The following BTBD8 variants were observed in gnomAD, a reference collection of about 807,000 sequenced individuals.
The protein encoded by BTBD8 is BTB domain containing 8, also known as BTB/POZ domain-containing protein 8.
BTBD8 carries 110 observed loss-of-function variants against 162.9 expected under a neutral mutation model. The observed-to-expected ratio is 0.68, with a 90% CI of 0.58 to 0.79. BTBD8 has a LOEUF of 0.79. BTBD8 is among the 30% of genes least tolerant of loss of function. The pLI is 0.00. For missense variants in BTBD8, 1,905 were observed against 2,085.4 expected (o/e 0.91, Z 1.68); for synonymous variants, 667 against 716.1 (o/e 0.93, Z 1.10).
intron 4 of BTBD8, chr1:92,115,289 T>C: frequency 2.2e-6 from 1 of 459,978 alleles, no homozygotes; most frequent in Non-Finnish European, 4.2e-6. Flanking sequence ...GTGATCCTGA[T>C]TCCTCCCATG....
At chr1:92,139,462 A>G (rs1303156497) in intron 6 of BTBD8, 32 bp downstream of exon 6, 1 of 1,587,964 alleles carries the variant, frequency 6.3e-7, no homozygotes, top group East Asian at 2.3e-5. Context: ...TTTAAAATAT[A>G]AAAGAGTTAG....
chr1:92,103,394 C>T (rs1026408414), intron 3 of BTBD8, among the ~76,000 whole-genome samples: 1 of 152,092 alleles, frequency 6.6e-6, no homozygotes, highest in African/African-American at 2.4e-5. Flanking sequence ...CATTCATATG[C>T]ATTAAGGATG....
chr1:92,126,312 C>CT (rs1649357718), intron 4 of BTBD8: 1 of 592,992 alleles, frequency 1.7e-6, no homozygotes, highest in Admixed American at 1.9e-5. Flanking sequence ...ATTTGCATTC[C>CT]TGATGAATCA....
chr1:92,174,534 A>G (rs1650647730), intron 13 of BTBD8, among the ~76,000 whole-genome samples: 2 of 152,218 alleles, frequency 1.3e-5, no homozygotes. Context: ...AAATTCAAGG[A>G]TAGAATAAAT....
At chr1:92,133,332 A>C (rs1407823003) in intron 5 of BTBD8, among the ~76,000 whole-genome samples, 3 of 152,202 alleles carry the variant, frequency 2.0e-5, no homozygotes, top group African/African-American at 7.2e-5. Flanking sequence ...TAAGGAAAGA[A>C]ACTGGCATAG....
rs1399053364 is a variant in BTBD8, at chr1:92,118,799, C to CT, written c.662+10801dup. 5.3e-3 allele frequency among the ~76,000 whole-genome samples: 375 copies of CT among 70,332 alleles called. 3 individuals carry two copies. The highest frequency in any genetic ancestry group is 0.015 in the South Asian group (31 of 2,082). The allele number at this position is 70,332 out of a possible 152,430, so 46.1% of individuals were successfully genotyped here. ...TTAGCTTATAATTTGGCTTTTCTTT[C>CT]TTTCTTTTTTTTTTTTTTTTTGCTC... is the stretch of plus-strand genomic sequence containing the variant. On this transcript the variant is annotated intron_variant, in intron 4 of 17. Transcript: ENST00000636805.
rs141742699 is a variant in BTBD8 at position 92,149,090 on chromosome 1, G to T, written c.1122+1304G>T. On this transcript the variant is annotated intron_variant, in intron 9 of 17. Transcript: ENST00000636805. ...AATATGGAGTGGTTAGTAGAAAAAG[G>T]TATGTAAAAATAACAGCTACAGCTA... 8.5e-5 allele frequency among the ~76,000 whole-genome samples: 13 copies of T among 152,316 alleles called. No homozygotes were observed. The East Asian group carries it at 2.3e-3, about 27-fold the overall frequency.
intron 10 of BTBD8, among the ~76,000 whole-genome samples, chr1:92,167,510 T>C (rs1650415744): frequency 6.6e-6 from 1 of 152,248 alleles, no homozygotes; most frequent in African/African-American, 2.4e-5. Flanking sequence ...TTCTCTAAAA[T>C]TATTCACAGA....
At position 92,097,562 on chromosome 1, in the gene BTBD8, C is replaced by T. The variant is rs150842304; in HGVS notation, c.348-4911C>T. Among the ~76,000 whole-genome samples, 290 of 152,248 alleles carry T rather than the reference C, an allele frequency of 1.9e-3. 4 individuals are homozygous for T. Among genetic ancestry groups the T allele is most frequent in the African/African-American group, 6.9e-3 (288 of 41,570 alleles). On this transcript the variant is annotated intron_variant, in intron 2 of 17. Coordinates refer to ENST00000636805, the MANE Select transcript of BTBD8 (RefSeq NM_001376131.1). The stretch of plus-strand genomic sequence containing the variant: ...CCCCTATTTCCTCCTTCAGCCAGCC[C>T]CTGGTGAACAACCTACTTTCTGTCT...
intron 13 of BTBD8, among the ~76,000 whole-genome samples, chr1:92,173,357 C>T (rs375536641): frequency 1.3e-5 from 2 of 152,164 alleles, no homozygotes; most frequent in East Asian, 3.9e-4. Flanking sequence ...ACTAGGGTCC[C>T]GACAACCCTT....
chr1:92,156,937 T>C (rs541068123), intron 9 of BTBD8, among the ~76,000 whole-genome samples: 2 of 152,092 alleles, frequency 1.3e-5, no homozygotes, highest in Admixed American at 6.5e-5. Context: ...ATTTCTGCTC[T>C]AATATTTATT....
At chr1:92,151,341 C>T (rs1015940343) in intron 9 of BTBD8, among the ~76,000 whole-genome samples, 4 of 125,760 alleles carry the variant, frequency 3.2e-5, no homozygotes, top group African/African-American at 1.2e-4. Context: ...GCAACAAGAA[C>T]GAAACTGTCT....
chr1:92,134,966 A>G (rs1440003682), intron 5 of BTBD8, among the ~76,000 whole-genome samples: 1 of 150,658 alleles, frequency 6.6e-6, no homozygotes, highest in Non-Finnish European at 1.5e-5. Context: ...ATCTCGGCTC[A>G]CTGCAACCTC....
intron 9 of BTBD8, among the ~76,000 whole-genome samples, chr1:92,149,794 G>C (rs983529132): frequency 6.6e-6 from 1 of 152,122 alleles, no homozygotes; most frequent in Non-Finnish European, 1.5e-5. Flanking sequence ...TCCGGGCCAG[G>C]TATATGTCTA....
At chr1:92,176,699 A>G (rs1650720056) in intron 13 of BTBD8, 130 bp from the exon 14 acceptor site, 1 of 494,302 alleles carries the variant, frequency 2.0e-6, no homozygotes, top group Admixed American at 3.8e-5. Context: ...AGACAGTTCA[A>G]GCTTTGACCT....
At chr1:92,148,197 G>A (rs550070788) in intron 9 of BTBD8, among the ~76,000 whole-genome samples, 1 of 152,154 alleles carries the variant, frequency 6.6e-6, no homozygotes, top group African/African-American at 2.4e-5. Flanking sequence ...CTTCCATCCT[G>A]TAAAAGGCCG....
intron 1 of BTBD8, among the ~76,000 whole-genome samples, chr1:92,083,660 A>G (rs1648083855): frequency 6.6e-6 from 1 of 152,198 alleles, no homozygotes; most frequent in Non-Finnish European, 1.5e-5. Flanking sequence ...ATGTATCTAG[A>G]AGGAGTGGAG....
chr1:92,176,341 T>C (rs539487276), intron 13 of BTBD8, among the ~76,000 whole-genome samples: 2 of 152,244 alleles, frequency 1.3e-5, no homozygotes, highest in East Asian at 3.9e-4. Flanking sequence ...CTGGGGTAAA[T>C]CACATACCTA....
rs370407915 is a variant in BTBD8, at chr1:92,134,979, C to T, written c.753-4371C>T. Among the ~76,000 whole-genome samples the T allele has an allele frequency of 7.9e-5, 12 of 151,640 alleles. No homozygotes were observed. In the East Asian group the frequency reaches 1.7e-3, roughly 22 times the overall value. On this transcript the variant is annotated intron_variant, in intron 5 of 17. Coordinates refer to ENST00000636805, the MANE Select transcript of BTBD8 (RefSeq NM_001376131.1). Reference sequence around the variant, plus strand: ...TGATCTCGGCTCACTGCAACCTCCACCTCCCGGGTTCAAGCGATTCTCCTG... The same window carrying T: ...TGATCTCGGCTCACTGCAACCTCCATCTCCCGGGTTCAAGCGATTCTCCTG...
Sources: allele counts gnomAD v4.1 joint callset (sites outside exome capture counted in the v4.1 genomes callset), GRCh38; gene constraint gnomAD v4.1.1; transcripts MANE v1.5; gene names NCBI Gene and HGNC (gene_info 2026-07-23, HGNC 2026-07-21).